The following DNAH9 variants were observed in gnomAD, a reference collection of about 807,000 sequenced individuals.
DNAH9 encodes the protein dynein axonemal heavy chain 9.
A neutral mutation model predicts 471.6 loss-of-function variants in DNAH9; 345 were observed. The ratio of observed to expected loss-of-function variants is 0.73; its 90% CI spans 0.67 to 0.80. The LOEUF is 0.80. Ranked by LOEUF, DNAH9 falls within the 30% of genes least tolerant of loss-of-function variation. The pLI is 0.00. For synonymous variants in DNAH9, 2,093 were observed against 2,123.6 expected, an observed-to-expected ratio of 0.99 and a Z score of 0.40; for missense variants, 5,407 against 5,609.2, an observed-to-expected ratio of 0.96 and a Z score of 1.15.
At chr17:11,698,972 C>T (rs148159081) in intron 22 of DNAH9, among the ~76,000 whole-genome samples, 208 of 151,628 alleles carry the variant, frequency 1.4e-3, no homozygotes, top group Non-Finnish European at 2.4e-3. Context: ...TGGCTATGGC[C>T]GGGTGTGGTG....
intron 14 of DNAH9, among the ~76,000 whole-genome samples, chr17:11,658,076 T>C (rs2073687193): frequency 6.6e-6 from 1 of 152,138 alleles, no homozygotes; most frequent in Admixed American, 6.5e-5. Context: ...GTGATTTTGA[T>C]TGAGATTACA....
intron 62 of DNAH9, among the ~76,000 whole-genome samples, chr17:11,928,126 C>T (rs540405264): frequency 5.6e-5 from 7 of 124,242 alleles, no homozygotes; most frequent in East Asian, 5.6e-4. Context: ...TTTATTTATT[C>T]ATTCATTCAT....
intron 50 of DNAH9, among the ~76,000 whole-genome samples, chr17:11,858,817 C>T (rs1465912076): frequency 2.6e-5 from 4 of 152,132 alleles, no homozygotes; most frequent in Admixed American, 6.5e-5. Context: ...GGCACAGTGC[C>T]TCATGCCTGT....
chr17:11,950,625 C>T (rs1597866909), intron 67 of DNAH9, among the ~76,000 whole-genome samples: 1 of 152,284 alleles, frequency 6.6e-6, no homozygotes, highest in Non-Finnish European at 1.5e-5. Flanking sequence ...CGCCTTGACC[C>T]AAAGTGTTGG....
chr17:11,760,466 T>C (rs182812558), intron 35 of DNAH9, among the ~76,000 whole-genome samples: 5 of 152,062 alleles, frequency 3.3e-5, no homozygotes, highest in Admixed American at 3.3e-4. Flanking sequence ...TCCCCCGAAC[T>C]CTCAATTATG....
intron 1 of DNAH9, among the ~76,000 whole-genome samples, chr17:11,600,803 T>A (rs561880359): frequency 3.0e-4 from 46 of 152,222 alleles, no homozygotes; most frequent in African/African-American, 1.1e-3. Flanking sequence ...TTAGGGTAAT[T>A]TTTTCCTTGT....
chr17:11,637,105 C>T (rs781086887), intron 9 of DNAH9, among the ~76,000 whole-genome samples: 6 of 152,230 alleles, frequency 3.9e-5, no homozygotes, highest in South Asian at 2.1e-4. Context: ...ATCTTCAACA[C>T]GCCTCCATTC....
At chr17:11,776,715 C>T (rs1968449147) in intron 38 of DNAH9, among the ~76,000 whole-genome samples, 1 of 152,208 alleles carries the variant, frequency 6.6e-6, no homozygotes, top group Admixed American at 6.5e-5. Context: ...AACTCTGCTT[C>T]CACTCATCTG....
intron 17 of DNAH9, among the ~76,000 whole-genome samples, chr17:11,679,244 T>C (rs1457503084): frequency 2.0e-5 from 3 of 152,244 alleles, no homozygotes; most frequent in African/African-American, 7.2e-5. Context: ...TGAGCTTCTT[T>C]CTCCTGGAAT....
intron 32 of DNAH9, 83 bp downstream of exon 32, chr17:11,747,849 C>A: frequency 8.1e-7 from 1 of 1,234,702 alleles, no homozygotes; most frequent in Non-Finnish European, 1.2e-6. Flanking sequence ...GGGTGAATTG[C>A]AGAAGCAAAC....
Position 11,946,059 on chromosome 17 carries a change from G to C in DNAH9, c.12843+3574G>C, listed in dbSNP as rs1382001395. On this transcript the variant is annotated intron_variant, in intron 67 of 68. Transcript: ENST00000262442. ...ACTAAAAAATACAAAAATTAGCCAG[G>C]CGTGGTGGCACGCACCTGTAATCCC... 2.6e-5 allele frequency among the ~76,000 whole-genome samples: 4 copies of C among 152,044 alleles called. No homozygotes were observed. In the East Asian group the frequency reaches 7.8e-4, roughly 29 times the overall value.
chr17:11,639,476 A>G (rs1219823351), intron 9 of DNAH9, among the ~76,000 whole-genome samples: 1 of 152,242 alleles, frequency 6.6e-6, no homozygotes, highest in Non-Finnish European at 1.5e-5. Context: ...TGCTTGGGCT[A>G]ACATAAGCAT....
intron 68 of DNAH9, among the ~76,000 whole-genome samples, chr17:11,963,291 G>C (rs979208110): frequency 6.6e-6 from 1 of 151,966 alleles, no homozygotes; most frequent in South Asian, 2.1e-4. Flanking sequence ...AAAATTAGCC[G>C]GGCATGGTGG....
intron 29 of DNAH9, among the ~76,000 whole-genome samples, chr17:11,741,398 T>C (rs1178785167): frequency 2.0e-5 from 3 of 152,212 alleles, no homozygotes; most frequent in Non-Finnish European, 4.4e-5. Flanking sequence ...GGTGCAAACA[T>C]AATTGCAGTT....
intron 26 of DNAH9, among the ~76,000 whole-genome samples, chr17:11,710,208 A>G: frequency 6.6e-6 from 1 of 152,258 alleles, no homozygotes; most frequent in Middle Eastern, 3.4e-3. Flanking sequence ...ATATTTTTCT[A>G]AAACACTCTA....
At chr17:11,724,574 A>G (rs1237707270) in intron 27 of DNAH9, among the ~76,000 whole-genome samples, 1 of 152,192 alleles carries the variant, frequency 6.6e-6, no homozygotes, top group Admixed American at 6.5e-5. Flanking sequence ...TTATGCATTC[A>G]TCCATTGATG....
chr17:11,795,293 C>G (rs1969204445), intron 42 of DNAH9, among the ~76,000 whole-genome samples: 1 of 152,112 alleles, frequency 6.6e-6, no homozygotes, highest in Non-Finnish European at 1.5e-5. Flanking sequence ...TCGAAATTAC[C>G]CCACAGTTAA....
chr17:11,599,159 G>A (rs1302515510), intron 1 of DNAH9, among the ~76,000 whole-genome samples: 1 of 152,116 alleles, frequency 6.6e-6, no homozygotes, highest in African/African-American at 2.4e-5. Flanking sequence ...GGAGGGATCT[G>A]GGTGGAGGCC....
chr17:11,790,452 T>C (rs990448550), intron 41 of DNAH9, among the ~76,000 whole-genome samples: 2 of 152,096 alleles, frequency 1.3e-5, no homozygotes, highest in Non-Finnish European at 2.9e-5. Context: ...ATGTTTGCTT[T>C]AAAGTCAATT....
Sources: allele counts gnomAD v4.1 joint callset (sites outside exome capture counted in the v4.1 genomes callset), GRCh38; gene constraint gnomAD v4.1.1; transcripts MANE v1.5; gene names NCBI Gene and HGNC (gene_info 2026-07-23, HGNC 2026-07-21).